APBA1: variants seen among roughly 807,000 people sequenced by gnomAD.
The protein encoded by APBA1 is amyloid beta precursor protein binding family A member 1, also known as amyloid-beta A4 precursor protein-binding family A member 1.
A neutral mutation model predicts 86.6 loss-of-function variants in APBA1; 55 were observed. That is an observed-to-expected ratio of 0.64 (90% confidence interval 0.51 to 0.80). APBA1 has a LOEUF of 0.80. APBA1 is among the 30% of genes least tolerant of loss of function. APBA1 has a pLI of 0.00. For synonymous variants in APBA1, 511 were observed against 493.9 expected, an observed-to-expected ratio of 1.03 and a Z score of -0.46; for missense variants, 1,090 against 1,183.0, an observed-to-expected ratio of 0.92 and a Z score of 1.15.
At chr9:69,586,037 GC>G (rs1485131792) in intron 1 of APBA1, among the ~76,000 whole-genome samples, 1 of 152,092 alleles carries the variant, frequency 6.6e-6, no homozygotes, top group Non-Finnish European at 1.5e-5. Flanking sequence ...CAATTGTCTG[GC>G]CCATGGATTT....
chr9:69,640,810 T>C (rs745348913), intron 1 of APBA1, among the ~76,000 whole-genome samples: 5 of 152,098 alleles, frequency 3.3e-5, no homozygotes, highest in Non-Finnish European at 5.9e-5. Context: ...AAAAAACCTG[T>C]AGCTAACACC....
At chr9:69,447,865 C>T (rs1006374281) in intron 10 of APBA1, among the ~76,000 whole-genome samples, 12 of 149,720 alleles carry the variant, frequency 8.0e-5, no homozygotes, top group Admixed American at 1.3e-4. Context: ...CTCCTCAAAC[C>T]GACCAAGCTC....
At chr9:69,550,715 G>A (rs1410033086) in intron 1 of APBA1, among the ~76,000 whole-genome samples, 1 of 152,196 alleles carries the variant, frequency 6.6e-6, no homozygotes, top group Non-Finnish European at 1.5e-5. Context: ...TCTGAGAAGT[G>A]CTGTAAAGAG....
At chr9:69,445,298 T>C (rs1026583977) in intron 10 of APBA1, among the ~76,000 whole-genome samples, 1 of 152,176 alleles carries the variant, frequency 6.6e-6, no homozygotes, top group African/African-American at 2.4e-5. Flanking sequence ...CTTAGAGAAA[T>C]AGCAATTTGA....
intron 2 of APBA1, among the ~76,000 whole-genome samples, chr9:69,495,683 A>G (rs1352657840): frequency 6.6e-6 from 1 of 152,090 alleles, no homozygotes; most frequent in Non-Finnish European, 1.5e-5. Context: ...TCTGGAGAAA[A>G]TAAACTCGGC....
intron 2 of APBA1, among the ~76,000 whole-genome samples, chr9:69,499,191 G>A (rs929131934): frequency 1.3e-5 from 2 of 152,042 alleles, no homozygotes; most frequent in South Asian, 2.1e-4. Context: ...AGGGAAAATC[G>A]GAGATAAGGA....
chr9:69,470,659 C>G (rs1035566999), intron 4 of APBA1, among the ~76,000 whole-genome samples: 1 of 152,204 alleles, frequency 6.6e-6, no homozygotes, highest in Non-Finnish European at 1.5e-5. Context: ...GGCAGTGGAA[C>G]ACAATGACTG....
At chr9:69,597,286 A>G in intron 1 of APBA1, among the ~76,000 whole-genome samples, 1 of 152,148 alleles carries the variant, frequency 6.6e-6, no homozygotes, top group East Asian at 1.9e-4. Flanking sequence ...GCATGTTTTC[A>G]CGTGTCTTTT....
At chr9:69,459,454 G>C (rs1835154794) in intron 5 of APBA1, among the ~76,000 whole-genome samples, 1 of 152,198 alleles carries the variant, frequency 6.6e-6, no homozygotes, top group South Asian at 2.1e-4. Context: ...TTATCTTACA[G>C]CTATGTTATA....
chr9:69,491,710 T>C (rs866827181), intron 2 of APBA1, among the ~76,000 whole-genome samples: 6 of 151,808 alleles, frequency 4.0e-5, no homozygotes, highest in African/African-American at 1.5e-4. Context: ...AAAAGTATAG[T>C]GCAATTCCAG....
intron 2 of APBA1, among the ~76,000 whole-genome samples, chr9:69,477,212 G>T (rs1362840742): frequency 6.6e-6 from 1 of 151,636 alleles, no homozygotes. Flanking sequence ...TGAGGTACTG[G>T]GTTCATCTCA....
chr9:69,531,785 A>G (rs1212813594), intron 1 of APBA1, among the ~76,000 whole-genome samples: 1 of 152,230 alleles, frequency 6.6e-6, no homozygotes, highest in East Asian at 1.9e-4. Flanking sequence ...AAGAGGAAAG[A>G]GAACCCTAGG....
At position 69,440,991 on chromosome 9, in the gene APBA1, CTTACAA is replaced by C; in HGVS notation, c.2300_2301+4del. On this transcript the variant is annotated splice_donor_variant and splice_donor_region_variant and coding_sequence_variant and intron_variant, in exon 11 of 13. Transcript: ENST00000265381. LOFTEE classifies it high-confidence loss of function. ...GGAAAAGGGTGTGGAAGGTGTTCTA[CTTACAA>C]TTCCATTCTGGACGCTGAAACCGAG... 1 of 1,612,956 alleles carries C rather than the reference CTTACAA, an allele frequency of 6.2e-7. No homozygotes were observed. Among genetic ancestry groups the C allele is most frequent in the Non-Finnish European group, 8.5e-7 (1 of 1,179,484 alleles).
intron 1 of APBA1, among the ~76,000 whole-genome samples, chr9:69,589,857 C>T (rs754363494): frequency 4.6e-5 from 7 of 152,156 alleles, no homozygotes; most frequent in Non-Finnish European, 1.0e-4. Flanking sequence ...CCAAAATACT[C>T]ACTGTATATT....
intron 1 of APBA1, among the ~76,000 whole-genome samples, chr9:69,637,453 G>A (rs1347601526): frequency 1.3e-5 from 2 of 152,140 alleles, no homozygotes; most frequent in Non-Finnish European, 2.9e-5. Flanking sequence ...ATGACTCATT[G>A]TATGGCTGTA....
At chr9:69,492,509 C>T (rs913862456) in intron 2 of APBA1, among the ~76,000 whole-genome samples, 3 of 151,936 alleles carry the variant, frequency 2.0e-5, no homozygotes, top group Admixed American at 6.5e-5. Context: ...AAAATCAAAC[C>T]AAGATTCTAC....
chr9:69,591,631 C>T (rs1162238895), intron 1 of APBA1, among the ~76,000 whole-genome samples: 2 of 152,208 alleles, frequency 1.3e-5, no homozygotes, highest in Non-Finnish European at 2.9e-5. Flanking sequence ...GAGGAGGCAC[C>T]AAGCTGGCAC....
chr9:69,604,442 A>G (rs1185084274), intron 1 of APBA1, among the ~76,000 whole-genome samples: 3 of 139,224 alleles, frequency 2.2e-5, no homozygotes, highest in Admixed American at 7.3e-5. Flanking sequence ...GAGTAAGTGG[A>G]GAGGCAAATG....
chr9:69,611,099 C>G (rs7033141), intron 1 of APBA1, among the ~76,000 whole-genome samples: 28,250 of 151,536 alleles, frequency 0.19, 2,789 homozygotes, highest in South Asian at 0.29. Flanking sequence ...AATGGCTTTA[C>G]AAATCACAAC....
Sources: allele counts gnomAD v4.1 joint callset (sites outside exome capture counted in the v4.1 genomes callset), GRCh38; gene constraint gnomAD v4.1.1; transcripts MANE v1.5; gene names NCBI Gene and HGNC (gene_info 2026-07-23, HGNC 2026-07-21).